UNC5D: variants seen among roughly 807,000 people sequenced by gnomAD.
The protein encoded by UNC5D is unc-5 netrin receptor D.
UNC5D carries 39 observed loss-of-function variants against 105.4 expected under a neutral mutation model. The ratio of observed to expected loss-of-function variants is 0.37; its 90% CI spans 0.29 to 0.48. The LOEUF is 0.48. Ranked by LOEUF, UNC5D falls within the 20% of genes least tolerant of loss-of-function variation. UNC5D has a pLI of 0.98. For missense variants in UNC5D, 991 were observed against 1,202.4 expected, an observed-to-expected ratio of 0.82 and a Z score of 2.60; for synonymous variants, 452 against 450.4, an observed-to-expected ratio of 1.00 and a Z score of -0.04.
At chr8:35,550,549 G>A (rs774767869) in intron 2 of UNC5D, among the ~76,000 whole-genome samples, 3 of 152,148 alleles carry the variant, frequency 2.0e-5, no homozygotes, top group East Asian at 1.9e-4. Context: ...TAACTATATA[G>A]CAACGATATT....
rs1219590009 is a variant in UNC5D at position 35,248,647 on chromosome 8, T to G, written c.103+12760T>G. Among the ~76,000 whole-genome samples, 164 of 99,382 alleles carry G rather than the reference T, an allele frequency of 1.7e-3. 2 individuals carry two copies. The East Asian group carries it at 0.045, about 28-fold the overall frequency. The allele number at this position is 99,382 out of a possible 152,430, so 65.2% of individuals were successfully genotyped here. A position where few individuals can be genotyped will look rare whatever the true frequency, so the allele number is the denominator to read the frequency against. ...ATAAATATATGTTATATATAATATA[T>G]ATATTTATAAATATAAATATATGTT... On this transcript the variant is annotated intron_variant, in intron 1 of 16. Coordinates refer to ENST00000404895, the MANE Select transcript of UNC5D (RefSeq NM_080872.4).
At chr8:35,442,517 G>A (rs973518528) in intron 1 of UNC5D, among the ~76,000 whole-genome samples, 9 of 151,652 alleles carry the variant, frequency 5.9e-5, no homozygotes, top group Admixed American at 2.6e-4. Context: ...AGAATCTTCC[G>A]AAATAGTGGT....
intron 1 of UNC5D, among the ~76,000 whole-genome samples, chr8:35,247,017 T>TA (rs1327202866): frequency 6.6e-6 from 1 of 151,712 alleles, no homozygotes; most frequent in Non-Finnish European, 1.5e-5. Flanking sequence ...TGTTGAGGAG[T>TA]GAAGTTGCTT....
chr8:35,457,828 A>C (rs1156992782), intron 1 of UNC5D, among the ~76,000 whole-genome samples: 3 of 152,166 alleles, frequency 2.0e-5, no homozygotes, highest in African/African-American at 7.2e-5. Flanking sequence ...TGGTTATCCC[A>C]ATGTCCACAC....
In UNC5D at chr8:35,479,819, G is replaced by C. The variant is rs138395432; in HGVS notation, c.104-69473G>C. 3.0e-3 allele frequency among the ~76,000 whole-genome samples: 456 copies of C among 152,278 alleles called. 2 individuals are homozygous for C. Among genetic ancestry groups the C allele is most frequent in the Non-Finnish European group, 3.4e-3 (234 of 68,014 alleles). On this transcript the variant is annotated intron_variant, in intron 1 of 16. Coordinates refer to ENST00000404895, the MANE Select transcript of UNC5D (RefSeq NM_080872.4). ...ACATAGGTTGGAAGGCTACCTATCA[G>C]GTACCATGTTCACTACCTTGGTGAT...
intron 1 of UNC5D, among the ~76,000 whole-genome samples, chr8:35,387,263 G>A (rs911521426): frequency 6.6e-6 from 1 of 150,858 alleles, no homozygotes; most frequent in Non-Finnish European, 1.5e-5. Flanking sequence ...CTCGGGAGGC[G>A]GAGGCAGGAG....
intron 4 of UNC5D, among the ~76,000 whole-genome samples, chr8:35,623,119 A>C (rs899570633): frequency 6.6e-6 from 1 of 152,078 alleles, no homozygotes; most frequent in African/African-American, 2.4e-5. Context: ...AAAAGGATAA[A>C]TTATCACTGC....
intron 4 of UNC5D, among the ~76,000 whole-genome samples, chr8:35,640,288 G>A (rs1466896955): frequency 1.3e-5 from 2 of 152,030 alleles, no homozygotes; most frequent in African/African-American, 2.4e-5. Context: ...GTTCATTCAT[G>A]CCCTGTCCTT....
intron 1 of UNC5D, among the ~76,000 whole-genome samples, chr8:35,365,591 CAAAAAAA>C (rs10715369): frequency 2.6e-4 from 13 of 49,884 alleles, no homozygotes; most frequent in South Asian, 1.3e-3. Flanking sequence ...CCATCCCCTG[CAAAAAAA>C]AAAAAAAAAA....
intron 2 of UNC5D, among the ~76,000 whole-genome samples, chr8:35,567,332 G>A (rs1331314134): frequency 6.6e-6 from 1 of 152,096 alleles, no homozygotes; most frequent in East Asian, 1.9e-4. Context: ...ACTCTGATTT[G>A]ATCAGTACAT....
chr8:35,298,465 G>A (rs576427381), intron 1 of UNC5D, among the ~76,000 whole-genome samples: 1 of 151,988 alleles, frequency 6.6e-6, no homozygotes. Context: ...GATGGGCAAG[G>A]CTCCTTTGAC....
chr8:35,569,026 G>A (rs186941986), intron 3 of UNC5D, among the ~76,000 whole-genome samples: 141 of 142,694 alleles, frequency 9.9e-4, no homozygotes, highest in African/African-American at 3.6e-3. Context: ...TTTTAAAACT[G>A]CATTAGTTTG....
At chr8:35,313,473 G>A (rs1316679083) in intron 1 of UNC5D, among the ~76,000 whole-genome samples, 1 of 152,168 alleles carries the variant, frequency 6.6e-6, no homozygotes, top group African/African-American at 2.4e-5. Context: ...CCATATGGAA[G>A]TTTGCGATTA....
rs1554546352 is a variant in UNC5D, at chr8:35,507,056, T to TTC, written c.104-42235_104-42234insCT. On this transcript the variant is annotated intron_variant, in intron 1 of 16. Transcript: ENST00000404895. ...GCCTCCATCAGGGCTTTTCTTTTTT[T>TTC]TTTTTTTTTTTTTTTTTGAGACGGA... is the stretch of plus-strand genomic sequence containing the variant. 2.5e-3 allele frequency among the ~76,000 whole-genome samples: 326 copies of TTC among 130,286 alleles called. 7 individuals carry two copies. The highest frequency in any genetic ancestry group is 0.01 in the African/African-American group (313 of 31,038). 85.5% of individuals were successfully genotyped at this position (130,286 alleles called of 152,430 possible).
intron 4 of UNC5D, among the ~76,000 whole-genome samples, chr8:35,601,564 G>A (rs1586221969): frequency 6.6e-6 from 1 of 152,260 alleles, no homozygotes; most frequent in East Asian, 1.9e-4. Context: ...TGAAGCAGTT[G>A]TGAATGGGAG....
chr8:35,291,096 T>A (rs1167648435), intron 1 of UNC5D, among the ~76,000 whole-genome samples: 1 of 152,174 alleles, frequency 6.6e-6, no homozygotes, highest in African/African-American at 2.4e-5. Flanking sequence ...AAGTGGAAAC[T>A]GAGTTTCTCA....
At chr8:35,392,622 C>T (rs1803846120) in intron 1 of UNC5D, among the ~76,000 whole-genome samples, 1 of 152,172 alleles carries the variant, frequency 6.6e-6, no homozygotes, top group African/African-American at 2.4e-5. Context: ...ATTATATTGG[C>T]ACACCTAGTA....
chr8:35,300,125 T>C (rs1047451439), intron 1 of UNC5D, among the ~76,000 whole-genome samples: 5 of 151,946 alleles, frequency 3.3e-5, no homozygotes, highest in Admixed American at 6.6e-5. Flanking sequence ...ACAGCACTTC[T>C]CTTATGCCTT....
chr8:35,669,379 T>C lies in UNC5D; in HGVS notation c.571-14168T>C, dbSNP rs78348251. ...CAAGCCAATAGTCAGTACCTAACAG[T>C]GCAGCATGCAATAATGACCTTTTTA... On this transcript the variant is annotated intron_variant, in intron 4 of 16. Coordinates refer to ENST00000404895, the MANE Select transcript of UNC5D (RefSeq NM_080872.4). Among the ~76,000 whole-genome samples, 1,139 of 152,244 alleles carry C rather than the reference T, an allele frequency of 7.5e-3. 23 individuals carry two copies. Among genetic ancestry groups the C allele is most frequent in the African/African-American group, 0.025 (1,049 of 41,540 alleles).
Sources: gnomAD v4.1 joint callset for allele counts (sites outside exome capture counted in the v4.1 genomes callset) on GRCh38, gnomAD v4.1.1 for gene constraint, MANE v1.5 for transcripts, NCBI Gene and HGNC (gene_info 2026-07-23, HGNC 2026-07-21) for gene names.